RASA2: variants seen among roughly 807,000 people sequenced by gnomAD.
The protein encoded by RASA2 is RAS p21 protein activator 2, also known as ras GTPase-activating protein 2.
RASA2 carries 155 observed loss-of-function variants against 118.2 expected under a neutral mutation model. The observed-to-expected ratio is 1.31, with a 90% CI of 1.15 to 1.50. RASA2 has a LOEUF of 1.50. Among genes scored for constraint, RASA2 ranks in the 40% most tolerant of loss-of-function variants. The pLI is 0.00. For synonymous variants in RASA2, 353 were observed against 349.1 expected (o/e 1.01, Z -0.12); for missense variants, 1,016 against 1,009.6 (o/e 1.01, Z -0.09).
At position 141,614,237 on chromosome 3, in the gene RASA2, TG is replaced by T. The variant is rs1481299621; in HGVS notation, c.*1925del. ...GGTATGATCACAGGGACCAAGGCTG[TG>T]TGCATATATAACTCTGGATTTGAAA... On this transcript the variant is annotated 3_prime_UTR_variant, in exon 24 of 24. Coordinates refer to ENST00000286364, the MANE Select transcript of RASA2 (RefSeq NM_006506.5). 1 of 152,174 alleles carries T rather than the reference TG, an allele frequency of 6.6e-6. No homozygotes were observed. Among genetic ancestry groups the T allele is most frequent in the East Asian group, 1.9e-4 (1 of 5,196 alleles). The allele number at this position is 152,174 out of a possible 1,614,324, so 9.4% of individuals were successfully genotyped here.
At position 141,555,855 on chromosome 3, in the gene RASA2, G is replaced by T; in HGVS notation, c.627G>T (p.Lys209Asn). Reference protein sequence around the residue: ...LVGPSRNDQKKTKVKKKTSNP... With the variant: ...LVGPSRNDQKNTKVKKKTSNP... ...ATTGGAACAGGAATGACCAAAAGAA[G>T]ACAAAAGTAAAGAAGAAAACAAGCA... Residue 209 changes from lysine to asparagine, a missense_variant, in exon 7 of 24, where the codon AAG (lysine) becomes AAT (asparagine). By Grantham distance (94) the Lys-to-Asn change is moderately conservative. Coordinates refer to ENST00000286364, the MANE Select transcript of RASA2 (RefSeq NM_006506.5). 6.2e-7 allele frequency: 1 copy of T among 1,612,356 alleles called. No individual in the cohort carries two copies. Among genetic ancestry groups the T allele is most frequent in the South Asian group, 1.1e-5 (1 of 90,978 alleles).
intron 15 of RASA2, among the ~76,000 whole-genome samples, chr3:141,578,125 C>G (rs1029636879): frequency 1.3e-5 from 2 of 152,170 alleles, no homozygotes; most frequent in Non-Finnish European, 2.9e-5. Flanking sequence ...ATTTGGTCCT[C>G]CTAGCAACCT....
At chr3:141,548,119 C>T (rs1014353513) in intron 5 of RASA2, among the ~76,000 whole-genome samples, 1 of 152,140 alleles carries the variant, frequency 6.6e-6, no homozygotes, top group Non-Finnish European at 1.5e-5. Context: ...CATCAAGGTT[C>T]ATCAGGGATA....
intron 23 of RASA2, among the ~76,000 whole-genome samples, chr3:141,610,389 ATTTATATT>A (rs2083624052): frequency 1.7e-5 from 2 of 114,386 alleles, no homozygotes; most frequent in African/African-American, 6.5e-5. Context: ...TATATTATAT[ATTTATATT>A]TATATATTAT....
intron 1 of RASA2, among the ~76,000 whole-genome samples, chr3:141,510,683 G>A (rs143073533): frequency 9.3e-4 from 141 of 152,280 alleles, no homozygotes; most frequent in African/African-American, 3.3e-3. Context: ...TAAGGCACTC[G>A]CCATTGAAGA....
rs545118286 is a variant in RASA2, at chr3:141,539,928, T to C, written c.451-605T>C. Among the ~76,000 whole-genome samples the C allele has an allele frequency of 2.0e-5, 3 of 152,302 alleles. No homozygotes were observed. The East Asian group carries it at 5.8e-4, about 29-fold the overall frequency. On this transcript the variant is annotated intron_variant, in intron 4 of 23. Coordinates refer to ENST00000286364, the MANE Select transcript of RASA2 (RefSeq NM_006506.5). ...AGACTCTTGGCCATATGTTATCTTT[T>C]GTTTATTGTCTTCCCAACTAGATTG... is the stretch of plus-strand genomic sequence containing the variant.
chr3:141,488,938 G>A (rs948576380), intron 1 of RASA2, among the ~76,000 whole-genome samples: 19 of 152,072 alleles, frequency 1.2e-4, no homozygotes, highest in African/African-American at 4.6e-4. Context: ...TGAGGGTTAG[G>A]GTTTCCAGAA....
chr3:141,500,452 A>G (rs1193689138), intron 1 of RASA2, among the ~76,000 whole-genome samples: 2 of 152,244 alleles, frequency 1.3e-5, no homozygotes, highest in African/African-American at 2.4e-5. Flanking sequence ...GATAAAGGCT[A>G]AGGTAGCATG....
rs1034321799 is a variant in RASA2 at position 141,613,238 on chromosome 3, C to T, written c.*925C>T. On this transcript the variant is annotated 3_prime_UTR_variant, in exon 24 of 24. Transcript: ENST00000286364. The stretch of plus-strand genomic sequence containing the variant: ...ATCTTCCTCGAGAACAGTCACTTGG[C>T]GCACTTTAATAATCTGGACTGCTCC... 6.6e-6 allele frequency: 1 copy of T among 152,102 alleles called. No individual in the cohort carries two copies. Among genetic ancestry groups the T allele is most frequent in the Non-Finnish European group, 1.5e-5 (1 of 68,026 alleles). The allele number at this position is 152,102 out of a possible 1,614,324, so 9.4% of individuals were successfully genotyped here. A position where few individuals can be genotyped will look rare whatever the true frequency, so the allele number is the denominator to read the frequency against.
intron 1 of RASA2, among the ~76,000 whole-genome samples, chr3:141,488,477 G>A (rs902585084): frequency 4.6e-5 from 7 of 151,984 alleles, no homozygotes; most frequent in African/African-American, 1.7e-4. Flanking sequence ...CTCTTTTCAG[G>A]TGGTTCACGT....
chr3:141,513,827 G>A (rs1031220736), intron 2 of RASA2, among the ~76,000 whole-genome samples: 2 of 152,130 alleles, frequency 1.3e-5, no homozygotes, highest in Non-Finnish European at 2.9e-5. Flanking sequence ...GCATTTCATA[G>A]CGATATTTCT....
intron 1 of RASA2, among the ~76,000 whole-genome samples, chr3:141,490,335 CAAAAAAA>C (rs3075070): frequency 2.0e-3 from 190 of 93,716 alleles, no homozygotes; most frequent in African/African-American, 5.4e-3. Flanking sequence ...CTCCTCCCCT[CAAAAAAA>C]AAAAAAAAAA....
At chr3:141,610,412 TTATATTTATATATTA>T (rs2083626163) in intron 23 of RASA2, among the ~76,000 whole-genome samples, 4 of 63,630 alleles carry the variant, frequency 6.3e-5, no homozygotes, top group African/African-American at 1.7e-4. Context: ...TATTATATAT[TTATATTTATATATTA>T]TATATTTATA....
At chr3:141,556,490 A>G (rs1010875447) in intron 7 of RASA2, among the ~76,000 whole-genome samples, 1 of 152,066 alleles carries the variant, frequency 6.6e-6, no homozygotes, top group Admixed American at 6.6e-5. Flanking sequence ...TTTTAAGCCT[A>G]ATTCATTCTG....
chr3:141,570,523 C>CT (rs1307991976), intron 9 of RASA2, among the ~76,000 whole-genome samples: 9 of 152,156 alleles, frequency 5.9e-5, no homozygotes, highest in African/African-American at 1.7e-4. Context: ...CCCGGACTGT[C>CT]TTAATTTTCA....
At chr3:141,491,043 G>A (rs2081634453) in intron 1 of RASA2, among the ~76,000 whole-genome samples, 2 of 152,160 alleles carry the variant, frequency 1.3e-5, no homozygotes, top group African/African-American at 4.8e-5. Context: ...GGAGTTTCCA[G>A]GTGTACAAAG....
chr3:141,582,426 T>C (rs1419218883), intron 17 of RASA2, among the ~76,000 whole-genome samples: 3 of 152,236 alleles, frequency 2.0e-5, no homozygotes, highest in Admixed American at 1.3e-4. Flanking sequence ...GGCAGACTTT[T>C]ATTGGCAGGA....
chr3:141,490,987 G>T (rs970687060), intron 1 of RASA2, among the ~76,000 whole-genome samples: 2 of 152,178 alleles, frequency 1.3e-5, no homozygotes, highest in Non-Finnish European at 2.9e-5. Flanking sequence ...AGTAAAGTAG[G>T]AGATAAAAAC....
intron 5 of RASA2, among the ~76,000 whole-genome samples, chr3:141,547,877 G>C (rs569148493): frequency 6.6e-6 from 1 of 152,138 alleles, no homozygotes; most frequent in Non-Finnish European, 1.5e-5. Flanking sequence ...TATTTTTTGA[G>C]GGTTTTATTA....
Sources: gnomAD v4.1 joint callset for allele counts (sites outside exome capture counted in the v4.1 genomes callset) on GRCh38, gnomAD v4.1.1 for gene constraint, MANE v1.5 for transcripts, NCBI Gene and HGNC (gene_info 2026-07-23, HGNC 2026-07-21) for gene names.